The following MPZL1 variants were observed in gnomAD, a reference collection of about 807,000 sequenced individuals.
The protein encoded by MPZL1 is myelin protein zero-like protein 1.
A neutral mutation model predicts 29.3 loss-of-function variants in MPZL1; 16 were observed. The ratio of observed to expected loss-of-function variants is 0.55; its 90% CI spans 0.37 to 0.83. The LOEUF (loss-of-function observed/expected upper bound fraction) is 0.83. MPZL1 is among the 40% of genes least tolerant of loss of function. The pLI is 0.00. For synonymous variants in MPZL1, 143 were observed against 132.0 expected (o/e 1.08, Z -0.57); for missense variants, 279 against 332.9 (o/e 0.84, Z 1.26).
At chr1:167,768,682 A>G (rs77737000) in intron 2 of MPZL1, among the ~76,000 whole-genome samples, 1 of 152,232 alleles carries the variant, frequency 6.6e-6, no homozygotes, top group African/African-American at 2.4e-5. Context: ...TCAGCAAACT[A>G]TGTAGTTCCT....
chr1:167,749,474 C>T (rs940313650), intron 1 of MPZL1, among the ~76,000 whole-genome samples: 6 of 152,194 alleles, frequency 3.9e-5, no homozygotes, highest in South Asian at 4.1e-4. Context: ...TCTTGAAATA[C>T]ATCAACACTT....
At chr1:167,755,476 A>T (rs1660850493) in intron 1 of MPZL1, among the ~76,000 whole-genome samples, 1 of 152,192 alleles carries the variant, frequency 6.6e-6, no homozygotes, top group South Asian at 2.1e-4. Context: ...TTATTTTCTT[A>T]TCTATCAGAT....
intron 1 of MPZL1, among the ~76,000 whole-genome samples, chr1:167,736,323 T>C (rs1445195984): frequency 6.6e-6 from 1 of 152,166 alleles, no homozygotes; most frequent in Non-Finnish European, 1.5e-5. Context: ...GCTATAGGCA[T>C]TCAATACGTA....
intron 5 of MPZL1, among the ~76,000 whole-genome samples, chr1:167,782,588 A>G (rs1335333255): frequency 6.6e-6 from 1 of 152,238 alleles, no homozygotes; most frequent in Non-Finnish European, 1.5e-5. Context: ...GAGAACTTGA[A>G]TGGTAGACTA....
chr1:167,762,731 A>G (rs1250371362), intron 1 of MPZL1, among the ~76,000 whole-genome samples: 1 of 152,236 alleles, frequency 6.6e-6, no homozygotes, highest in Non-Finnish European at 1.5e-5. Context: ...GACCATAGAA[A>G]TGAGTGGCTG....
chr1:167,733,741 CAA>C (rs760486650), intron 1 of MPZL1, among the ~76,000 whole-genome samples: 1 of 133,200 alleles, frequency 7.5e-6, no homozygotes, highest in Admixed American at 7.7e-5. Flanking sequence ...GAGACTCTGT[CAA>C]AAAAAAAAAA....
At chr1:167,735,165 C>G (rs959259256) in intron 1 of MPZL1, among the ~76,000 whole-genome samples, 29 of 152,148 alleles carry the variant, frequency 1.9e-4, no homozygotes, top group African/African-American at 6.5e-4. Context: ...TGTCCATTGT[C>G]ATTAGGAGTA....
chr1:167,760,918 G>A (rs182781492), intron 1 of MPZL1, among the ~76,000 whole-genome samples: 5 of 151,968 alleles, frequency 3.3e-5, no homozygotes. Flanking sequence ...CAGGGAAGGA[G>A]CAGTCAATGA....
intron 1 of MPZL1, among the ~76,000 whole-genome samples, chr1:167,749,661 C>CA (rs1156811525): frequency 2.0e-5 from 3 of 152,210 alleles, no homozygotes; most frequent in Admixed American, 1.3e-4. Flanking sequence ...TGTGATATCA[C>CA]AAAAAAAGAA....
intron 1 of MPZL1, among the ~76,000 whole-genome samples, chr1:167,736,804 A>G (rs199878893): frequency 7.9e-5 from 12 of 152,024 alleles, no homozygotes; most frequent in Admixed American, 6.5e-5. Flanking sequence ...TGCCCTCCCA[A>G]CTGTTGCCAG....
rs1280613334 is a variant in MPZL1, at chr1:167,773,357, G to T, written c.594G>T (p.Arg198=). ...TCTATAGAAGGAAAAACTCTAAACG[G>T]GATTACACTGGGTAAGAAACACTGT... The part of the protein sequence containing the change: ...AVLYRRKNSK[R]DYTGCSTSES... Residue 198 remains arginine (R), a synonymous_variant, in exon 4 of 6, where the codon CGG becomes CGT. Coordinates refer to ENST00000359523, the MANE Select transcript of MPZL1 (RefSeq NM_003953.6). The T allele has an allele frequency of 1.2e-6, 2 of 1,613,276 alleles. No homozygotes were observed. Among genetic ancestry groups the T allele is most frequent in the East Asian group, 4.5e-5 (2 of 44,824 alleles).
chr1:167,768,820 A>C (rs1661176027), intron 2 of MPZL1, among the ~76,000 whole-genome samples: 1 of 152,230 alleles, frequency 6.6e-6, no homozygotes. Context: ...AAACAGCATC[A>C]TGTAGCTCAT....
chr1:167,758,495 T>C (rs1660916377), intron 1 of MPZL1, among the ~76,000 whole-genome samples: 1 of 152,180 alleles, frequency 6.6e-6, no homozygotes, highest in South Asian at 2.1e-4. Flanking sequence ...CCTTTTTCTT[T>C]GTGATTGTGA....
intron 1 of MPZL1, among the ~76,000 whole-genome samples, chr1:167,751,314 T>C (rs16859534): frequency 0.062 from 9,480 of 152,248 alleles, 965 homozygotes; most frequent in African/African-American, 0.21. Flanking sequence ...AAAAAATAAC[T>C]TCAAGGAACA....
At chr1:167,764,923 A>G (rs1334130872) in intron 1 of MPZL1, 1 of 152,250 alleles carries the variant, frequency 6.6e-6, no homozygotes, top group Non-Finnish European at 1.5e-5. Context: ...ACTAGATAAC[A>G]TTCTAGAAAA....
At chr1:167,771,623 G>C (rs1006673191) in intron 2 of MPZL1, among the ~76,000 whole-genome samples, 3 of 151,854 alleles carry the variant, frequency 2.0e-5, no homozygotes, top group Non-Finnish European at 4.4e-5. Context: ...CCGGGCAGAG[G>C]CGCTCCTCAC....
chr1:167,747,653 TA>T (rs758741208), intron 1 of MPZL1, among the ~76,000 whole-genome samples: 9 of 152,264 alleles, frequency 5.9e-5, no homozygotes, highest in Non-Finnish European at 1.2e-4. Flanking sequence ...GTATCCTGTG[TA>T]TGGTTCCAGA....
chr1:167,743,655 A>G (rs936333730), intron 1 of MPZL1, among the ~76,000 whole-genome samples: 1 of 112,638 alleles, frequency 8.9e-6, no homozygotes, highest in Non-Finnish European at 2.1e-5. Context: ...ATTTTGTTTT[A>G]CTTTTTTTGC....
chr1:167,724,890 C>T lies in MPZL1; in HGVS notation c.91+2648C>T, dbSNP rs74785973. 1.9e-3 allele frequency among the ~76,000 whole-genome samples: 285 copies of T among 152,076 alleles called. 7 individuals carry two copies. The East Asian group carries it at 0.051, about 27-fold the overall frequency. On this transcript the variant is annotated intron_variant, in intron 1 of 5. Coordinates refer to ENST00000359523, the MANE Select transcript of MPZL1 (RefSeq NM_003953.6). Reference sequence around the variant, plus strand: ...GAAGAACATAGCAGAGAGCCAAAGACGGAGTTTTGGGGTATATGAAACCTG... The same window carrying T: ...GAAGAACATAGCAGAGAGCCAAAGATGGAGTTTTGGGGTATATGAAACCTG...
Sources: allele counts gnomAD v4.1 joint callset (sites outside exome capture counted in the v4.1 genomes callset), GRCh38; gene constraint gnomAD v4.1.1; transcripts MANE v1.5; gene names NCBI Gene and HGNC (gene_info 2026-07-23, HGNC 2026-07-21).